Variants in CACNA1A observed in about 807,000 individuals in gnomAD.
CACNA1A encodes voltage-dependent P/Q-type calcium channel subunit alpha-1A.
A neutral mutation model predicts 262.4 loss-of-function variants in CACNA1A; 57 were observed. That is an observed-to-expected ratio of 0.22 (90% CI 0.18 to 0.27). CACNA1A has a LOEUF of 0.27. Among genes scored for constraint, CACNA1A ranks in the 10% least tolerant of loss-of-function variants. CACNA1A has a pLI of 1.00. For missense variants in CACNA1A, 2,526 were observed against 3,562.8 expected (o/e 0.71, Z 7.41); for synonymous variants, 1,431 against 1,419.3 (o/e 1.01, Z -0.18).
intron 3 of CACNA1A, among the ~76,000 whole-genome samples, chr19:13,381,905 C>CT (rs2059529663): frequency 6.6e-6 from 1 of 152,020 alleles, no homozygotes; most frequent in African/African-American, 2.4e-5. Flanking sequence ...GGCTTTTTCT[C>CT]TGAGTAAGGT....
intron 3 of CACNA1A, among the ~76,000 whole-genome samples, chr19:13,433,585 G>A (rs2060559608): frequency 6.6e-6 from 1 of 151,904 alleles, no homozygotes; most frequent in Non-Finnish European, 1.5e-5. Flanking sequence ...GGTCTGGCTG[G>A]TAGGCGGGGG....
At chr19:13,354,176 A>AC (rs1287292161) in intron 6 of CACNA1A, among the ~76,000 whole-genome samples, 3 of 152,158 alleles carry the variant, frequency 2.0e-5, no homozygotes, top group African/African-American at 7.2e-5. Context: ...AGGGCTGCCT[A>AC]CCCAGGTGGG....
intron 3 of CACNA1A, among the ~76,000 whole-genome samples, chr19:13,437,375 G>A (rs2060629668): frequency 6.6e-6 from 1 of 152,124 alleles, no homozygotes; most frequent in African/African-American, 2.4e-5. Context: ...ACTGCAGAAG[G>A]GAAGAGAGGT....
At chr19:13,411,395 C>A (rs2060106792) in intron 3 of CACNA1A, among the ~76,000 whole-genome samples, 1 of 152,116 alleles carries the variant, frequency 6.6e-6, no homozygotes, top group Non-Finnish European at 1.5e-5. Flanking sequence ...GGGGCAGTTT[C>A]CCCCATACTG....
intron 3 of CACNA1A, among the ~76,000 whole-genome samples, chr19:13,400,983 C>T (rs561548633): frequency 3.3e-5 from 5 of 152,264 alleles, no homozygotes; most frequent in Admixed American, 1.3e-4. Flanking sequence ...CACCGCCACA[C>T]CCAGCTAATT....
intron 6 of CACNA1A, among the ~76,000 whole-genome samples, 180 bp from the exon 7 acceptor site, chr19:13,336,089 C>A (rs1008796290): frequency 6.6e-6 from 1 of 152,166 alleles, no homozygotes; most frequent in Non-Finnish European, 1.5e-5. Context: ...CTGAAGAAAA[C>A]ATCCAAAGGG....
chr19:13,438,110 A>AT (rs143003377), intron 3 of CACNA1A, among the ~76,000 whole-genome samples: 22,229 of 151,946 alleles, frequency 0.15, 2,219 homozygotes, highest in African/African-American at 0.28. Context: ...TTTTGCTGAC[A>AT]TTTTTTCCTC....
rs1468854518 is a variant in CACNA1A, at chr19:13,365,574, AG to A, written c.632-106del. The A allele has an allele frequency of 1.2e-5, 12 of 999,206 alleles. No individual in the cohort carries two copies. In the African/African-American group the frequency reaches 1.6e-4, roughly 14 times the overall value. 61.9% of individuals were successfully genotyped at this position (999,206 alleles called of 1,614,324 possible). On this transcript the variant is annotated intron_variant, in intron 4 of 46. Coordinates refer to ENST00000360228, the MANE Select transcript of CACNA1A (RefSeq NM_001127222.2). ...CCCAGACAAAGCAGGTGTGTTCCTG[AG>A]GGAACATTAAGCACCCAGGAGCCTG...
rs1339655775 is a variant in CACNA1A at position 13,506,051 on chromosome 19, G to C, written c.174C>G (p.Thr58=). The change falls in exon 1 of 47, where the codon ACC becomes ACG. Residue 58 remains threonine (T), a synonymous_variant. Transcript: ENST00000360228. ...CGGGGATGGGGTTGTAGAGTGCCATGGTCCGCGCTCTCTGCGCCATTGACT... is the reference window on the plus strand; with the variant it reads ...CGGGGATGGGGTTGTAGAGTGCCATCGTCCGCGCTCTCTGCGCCATTGACT... ...YKQSMAQRAR[T]MALYNPIPVR... 1.9e-6 allele frequency: 3 copies of C among 1,613,964 alleles called. No homozygotes were observed. In the East Asian group the frequency reaches 6.7e-5, roughly 36 times the overall value.
intron 6 of CACNA1A, 43 bp downstream of exon 6, chr19:13,359,563 T>G: frequency 3.3e-6 from 5 of 1,520,280 alleles, no homozygotes; most frequent in Non-Finnish European, 4.5e-6. Flanking sequence ...GCCACCTCCC[T>G]GAGACTCTGA....
At chr19:13,283,137 A>C (rs988473239) in intron 22 of CACNA1A, 130 bp downstream of exon 22, 58 of 1,072,762 alleles carry the variant, frequency 5.4e-5, no homozygotes, top group Non-Finnish European at 7.6e-5. Flanking sequence ...CCTCTCAACC[A>C]GCAGCCATAA....
chr19:13,472,052 T>A (rs1191850967), intron 1 of CACNA1A, among the ~76,000 whole-genome samples: 1 of 152,164 alleles, frequency 6.6e-6, no homozygotes, highest in Non-Finnish European at 1.5e-5. Context: ...AGCCTCAACC[T>A]TTGGGGCTCC....
rs1048502821 is a variant in CACNA1A at position 13,235,562 on chromosome 19, G to A, written c.5067+52C>T. The A allele has an allele frequency of 4.8e-6, 6 of 1,247,550 alleles. No homozygotes were observed. In the African/African-American group the frequency reaches 7.4e-5, roughly 15 times the overall value. The allele number at this position is 1,247,550 out of a possible 1,614,324, so 77.3% of individuals were successfully genotyped here. ...TGACTTCTACATTCAGCCAGAGCAT[G>A]AGGGTCACCTGTCTTCTCAGCCCTG... On this transcript the variant is annotated intron_variant, in intron 32 of 46. Coordinates refer to ENST00000360228, the MANE Select transcript of CACNA1A (RefSeq NM_001127222.2).
intron 38 of CACNA1A, among the ~76,000 whole-genome samples, chr19:13,219,750 C>T (rs965410975): frequency 3.5e-4 from 53 of 151,352 alleles, no homozygotes; most frequent in Middle Eastern, 3.4e-3. Context: ...GTTGGGAGAT[C>T]GAGACCATCC....
chr19:13,368,040 C>T lies in CACNA1A; in HGVS notation c.632-2571G>A, dbSNP rs1376761572. ...TTAATAATAATAATAGCTGGCCAAG[C>T]GTGGTGGCTCACACCTGTAATCCCA... On this transcript the variant is annotated intron_variant, in intron 4 of 46. Coordinates refer to ENST00000360228, the MANE Select transcript of CACNA1A (RefSeq NM_001127222.2). Among the ~76,000 whole-genome samples, 3 of 151,526 alleles carry T rather than the reference C, an allele frequency of 2.0e-5. No homozygotes were observed. The East Asian group carries it at 5.9e-4, about 30-fold the overall frequency.
chr19:13,213,259 C>G (rs2054884516), intron 40 of CACNA1A, among the ~76,000 whole-genome samples: 1 of 152,192 alleles, frequency 6.6e-6, no homozygotes, highest in East Asian at 1.9e-4. Context: ...AGCCTTTGCA[C>G]TGGCTGTTTC....
intron 1 of CACNA1A, among the ~76,000 whole-genome samples, chr19:13,497,579 T>G (rs1179967472): frequency 1.6e-5 from 1 of 61,692 alleles, no homozygotes; most frequent in Non-Finnish European, 2.9e-5. Flanking sequence ...TATATATATA[T>G]AAATTTATGT....
intron 3 of CACNA1A, chr19:13,451,604 T>C (rs1005775280): frequency 6.6e-6 from 1 of 152,300 alleles, no homozygotes; most frequent in Non-Finnish European, 1.5e-5. Context: ...TCCCTTGCAG[T>C]GATGTGTGGT....
In CACNA1A at chr19:13,428,298, C is replaced by T. The variant is rs146704694; in HGVS notation, c.539+24578G>A. Reference sequence around the variant, plus strand: ...ATTTGTAAAGGGCTCATAGTAAATGCTAGTTGTTATTCTCATCACAATTTA... The same window carrying T: ...ATTTGTAAAGGGCTCATAGTAAATGTTAGTTGTTATTCTCATCACAATTTA... On this transcript the variant is annotated intron_variant, in intron 3 of 46. Coordinates refer to ENST00000360228, the MANE Select transcript of CACNA1A (RefSeq NM_001127222.2). 2.2e-4 allele frequency among the ~76,000 whole-genome samples: 33 copies of T among 152,254 alleles called. No homozygotes were observed. The East Asian group carries it at 6.4e-3, about 29-fold the overall frequency.
Sources: gnomAD v4.1 joint callset for allele counts (sites outside exome capture counted in the v4.1 genomes callset) on GRCh38, gnomAD v4.1.1 for gene constraint, MANE v1.5 for transcripts, NCBI Gene and HGNC (gene_info 2026-07-23, HGNC 2026-07-21) for gene names.